The following SLC5A12 variants were observed in gnomAD, a reference collection of about 807,000 sequenced individuals.
SLC5A12 encodes sodium-coupled monocarboxylate transporter 2.
In SLC5A12, 46 loss-of-function variants were observed where a neutral mutation model predicts 72.7. The observed-to-expected ratio is 0.63, with a 90% CI of 0.50 to 0.81. The LOEUF (loss-of-function observed/expected upper bound fraction) is 0.81, where lower values mean the gene tolerates loss of function less well. Among genes scored for constraint, SLC5A12 ranks in the 30% least tolerant of loss-of-function variants. The probability of loss-of-function intolerance (pLI) is 0.00; values close to 1 mark genes in which losing one functional copy is unlikely to be tolerated. For missense variants in SLC5A12, 683 were observed against 740.7 expected (o/e 0.92, Z 0.90); for synonymous variants, 275 against 264.4 (o/e 1.04, Z -0.39).
At chr11:26,703,256 G>C (rs1360294665) in intron 6 of SLC5A12, among the ~76,000 whole-genome samples, 1 of 152,138 alleles carries the variant, frequency 6.6e-6, no homozygotes, top group South Asian at 2.1e-4. Flanking sequence ...ATTTAATCTA[G>C]TAATTTCTCA....
chr11:26,695,189 A>T (rs1339678651), intron 8 of SLC5A12, among the ~76,000 whole-genome samples: 1 of 152,134 alleles, frequency 6.6e-6, no homozygotes, highest in African/African-American at 2.4e-5. Context: ...AAGTACAGTC[A>T]TCAAAATTAT....
At position 26,677,613 on chromosome 11, in the gene SLC5A12, A is replaced by G. The variant is rs115994306; in HGVS notation, c.1579+1099T>C. Among the ~76,000 whole-genome samples, 276 of 152,314 alleles carry G rather than the reference A, an allele frequency of 1.8e-3. 1 individual carries two copies. Among genetic ancestry groups the G allele is most frequent in the African/African-American group, 6.4e-3 (267 of 41,568 alleles). ...ATCTTTTGCCTGAAACCATTTACAT[A>G]AAGACATTGAGAGAGTTGTTATTAT... On this transcript the variant is annotated intron_variant, in intron 13 of 14. Coordinates refer to ENST00000396005, the MANE Select transcript of SLC5A12 (RefSeq NM_178498.4).
At chr11:26,711,206 G>T in intron 3 of SLC5A12, 101 bp downstream of exon 3, 3 of 960,220 alleles carry the variant, frequency 3.1e-6, no homozygotes, top group Non-Finnish European at 4.9e-6. Flanking sequence ...CCTCTAACCA[G>T]AAGAATATCT....
intron 7 of SLC5A12, 24 bp downstream of exon 7, chr11:26,698,382 C>T (rs1259162465): frequency 6.2e-7 from 1 of 1,611,046 alleles, no homozygotes; most frequent in Non-Finnish European, 8.5e-7. Context: ...AGACACTCGC[C>T]ACTGTCCTCA....
intron 12 of SLC5A12, 65 bp from the exon 13 acceptor site, chr11:26,678,880 T>G (rs1854327484): frequency 1.9e-6 from 2 of 1,026,706 alleles, no homozygotes; most frequent in South Asian, 1.7e-5. Context: ...TGTAGAGGAC[T>G]GCTCAGGATT....
chr11:26,710,293 C>A (rs536296186), intron 3 of SLC5A12, among the ~76,000 whole-genome samples: 1 of 152,264 alleles, frequency 6.6e-6, no homozygotes, highest in East Asian at 1.9e-4. Context: ...GGTTCCAAGT[C>A]TTTGCTATTG....
Position 26,714,378 on chromosome 11 carries a change from A to G in SLC5A12, c.340-1672T>C, listed in dbSNP as rs1855300794. 2.0e-5 allele frequency among the ~76,000 whole-genome samples: 3 copies of G among 152,270 alleles called. No individual in the cohort carries two copies. In the South Asian group the frequency reaches 6.2e-4, roughly 32 times the overall value. ...AGGATCTTACAGATTAGACGAAGTG[A>G]CCATTAACAAATATTTATACTAATG... On this transcript the variant is annotated intron_variant, in intron 1 of 14. Transcript: ENST00000396005.
chr11:26,684,859 C>T (rs1240564085), intron 10 of SLC5A12, among the ~76,000 whole-genome samples: 3 of 152,064 alleles, frequency 2.0e-5, no homozygotes, highest in African/African-American at 4.8e-5. Context: ...TTGTGGCGCA[C>T]AAGACATCAG....
intron 8 of SLC5A12, among the ~76,000 whole-genome samples, chr11:26,694,667 G>A (rs552195966): frequency 2.0e-5 from 3 of 152,016 alleles, no homozygotes; most frequent in African/African-American, 7.2e-5. Flanking sequence ...TAAATTCAAG[G>A]ATATTGCTAT....
At chr11:26,712,758 C>T in intron 1 of SLC5A12, 52 bp from the exon 2 acceptor site, 1 of 1,363,240 alleles carries the variant, frequency 7.3e-7, no homozygotes, top group Non-Finnish European at 1.0e-6. Flanking sequence ...ATAAGAACTG[C>T]TAAGAAAGTC....
intron 1 of SLC5A12, among the ~76,000 whole-genome samples, chr11:26,717,801 C>T (rs983765250): frequency 6.6e-6 from 1 of 152,170 alleles, no homozygotes; most frequent in African/African-American, 2.4e-5. Context: ...GACATGGCCT[C>T]ACTCACAGGT....
intron 1 of SLC5A12, among the ~76,000 whole-genome samples, chr11:26,718,843 G>T (rs1244589409): frequency 6.6e-6 from 1 of 152,028 alleles, no homozygotes; most frequent in Non-Finnish European, 1.5e-5. Flanking sequence ...TAAAGCAAGA[G>T]GTAATCCCAA....
chr11:26,681,849 A>G (rs1854417501), intron 11 of SLC5A12, among the ~76,000 whole-genome samples: 1 of 152,114 alleles, frequency 6.6e-6, no homozygotes, highest in African/African-American at 2.4e-5. Context: ...GTTTCTGGTC[A>G]CTGCTAGGAA....
chr11:26,680,970 T>G, intron 12 of SLC5A12, 85 bp downstream of exon 12: 1 of 1,258,596 alleles, frequency 7.9e-7, no homozygotes, highest in Non-Finnish European at 1.1e-6. Flanking sequence ...ATATGTCTCA[T>G]CACACTTATC....
intron 9 of SLC5A12, among the ~76,000 whole-genome samples, chr11:26,689,549 G>T (rs1028229848): frequency 7.2e-5 from 11 of 152,184 alleles, no homozygotes; most frequent in Non-Finnish European, 1.2e-4. Flanking sequence ...AGGCATAGGA[G>T]AACTTTCCAC....
In SLC5A12 at chr11:26,721,938, C is replaced by T. The variant is rs1324369090; in HGVS notation, c.-224G>A. 1.9e-6 allele frequency: 1 copy of T among 536,588 alleles called. No homozygotes were observed. The highest frequency in any genetic ancestry group is 1.9e-5 in the African/African-American group (1 of 52,630). 33.2% of individuals were successfully genotyped at this position (536,588 alleles called of 1,614,324 possible). On this transcript the variant is annotated 5_prime_UTR_variant, in exon 1 of 15. Transcript: ENST00000396005. ...AAGAAGAATCTGGTGGTGGTATTGG[C>T]ACCAAGAGATGAGAATTTGAAATCT...
intron 4 of SLC5A12, 193 bp downstream of exon 4, chr11:26,709,119 C>T (rs1228781935): frequency 4.6e-6 from 2 of 436,370 alleles, no homozygotes; most frequent in Non-Finnish European, 8.2e-6. Flanking sequence ...ATTAAATTCT[C>T]CTAAAGGTTG....
At chr11:26,676,612 A>G (rs1470338858) in intron 13 of SLC5A12, among the ~76,000 whole-genome samples, 2 of 152,120 alleles carry the variant, frequency 1.3e-5, no homozygotes, top group Admixed American at 6.6e-5. Context: ...TACACCAACA[A>G]TGGTATTTGT....
In SLC5A12 at chr11:26,698,401, C is replaced by T. The variant is rs1854878178; in HGVS notation, c.951+5G>A. On this transcript the variant is annotated splice_donor_5th_base_variant and intron_variant, in intron 7 of 14. Coordinates refer to ENST00000396005, the MANE Select transcript of SLC5A12 (RefSeq NM_178498.4). Reference sequence around the variant, plus strand: ...ACTCGCCACTGTCCTCAAGAAAACCCATACCTGGTCTGGTGCTGAGATGAT... The same window carrying T: ...ACTCGCCACTGTCCTCAAGAAAACCTATACCTGGTCTGGTGCTGAGATGAT... 1 of 1,613,168 alleles carries T rather than the reference C, an allele frequency of 6.2e-7. No individual in the cohort carries two copies. Among genetic ancestry groups the T allele is most frequent in the Admixed American group, 1.7e-5 (1 of 59,894 alleles).
Sources: gnomAD v4.1 joint callset for allele counts (sites outside exome capture counted in the v4.1 genomes callset) on GRCh38, gnomAD v4.1.1 for gene constraint, MANE v1.5 for transcripts, NCBI Gene and HGNC (gene_info 2026-07-23, HGNC 2026-07-21) for gene names.